COL24A1: variants seen among roughly 807,000 people sequenced by gnomAD.
The protein encoded by COL24A1 is collagen type XXIV alpha 1 chain, also known as collagen alpha-1(XXIV) chain.
COL24A1 carries 224 observed loss-of-function variants against 253.9 expected under a neutral mutation model. The ratio of observed to expected loss-of-function variants is 0.88; its 90% CI spans 0.79 to 0.99. The LOEUF (loss-of-function observed/expected upper bound fraction) is 0.99, where lower values mean the gene tolerates loss of function less well. Ranked by LOEUF, COL24A1 falls within the 50% of genes least tolerant of loss-of-function variation. COL24A1 has a pLI of 0.00. For synonymous variants in COL24A1, 685 were observed against 673.7 expected (o/e 1.02, Z -0.26); for missense variants, 2,131 against 2,068.5 (o/e 1.03, Z -0.59).
At chr1:86,050,756 C>T (rs1163643035) in intron 10 of COL24A1, among the ~76,000 whole-genome samples, 1 of 152,086 alleles carries the variant, frequency 6.6e-6, no homozygotes, top group Non-Finnish European at 1.5e-5. Flanking sequence ...TATATGTTAG[C>T]TTTATGTGTA....
intron 5 of COL24A1, among the ~76,000 whole-genome samples, chr1:86,111,715 C>CT (rs1705630294): frequency 6.6e-6 from 1 of 152,184 alleles, no homozygotes; most frequent in Non-Finnish European, 1.5e-5. Flanking sequence ...TCTGCACTGC[C>CT]TTTATGAGCT....
At chr1:86,154,632 C>T (rs980373854) in intron 1 of COL24A1, 3 of 152,722 alleles carry the variant, frequency 2.0e-5, no homozygotes, top group South Asian at 2.1e-4. Flanking sequence ...AGGGCCTTTT[C>T]TGGGAGCGTC....
chr1:85,761,305 C>A (rs889907666), intron 55 of COL24A1, 91 bp downstream of exon 55: 6 of 1,431,042 alleles, frequency 4.2e-6, no homozygotes, highest in East Asian at 2.4e-5. Context: ...AAAAGGGATA[C>A]CTTTTAATAG....
At chr1:86,014,102 T>C (rs777556649) in intron 19 of COL24A1, among the ~76,000 whole-genome samples, 2 of 152,198 alleles carry the variant, frequency 1.3e-5, no homozygotes, top group Admixed American at 1.3e-4. Context: ...TCATTTATTT[T>C]TTACCTTCCT....
intron 55 of COL24A1, among the ~76,000 whole-genome samples, chr1:85,754,968 C>T (rs1666068059): frequency 6.6e-6 from 1 of 152,144 alleles, no homozygotes; most frequent in Non-Finnish European, 1.5e-5. Context: ...TTAACCTACA[C>T]ATCCGAGAAG....
intron 42 of COL24A1, among the ~76,000 whole-genome samples, chr1:85,839,611 C>T (rs1484301114): frequency 6.6e-6 from 1 of 151,704 alleles, no homozygotes; most frequent in Admixed American, 6.6e-5. Context: ...GTGGCACGAG[C>T]CTGCAGTCCC....
chr1:85,883,523 G>T (rs185332545), intron 32 of COL24A1, among the ~76,000 whole-genome samples: 3 of 151,984 alleles, frequency 2.0e-5, no homozygotes, highest in Admixed American at 1.3e-4. Flanking sequence ...GCCCAGTCTG[G>T]CCTCTCATTT....
intron 9 of COL24A1, among the ~76,000 whole-genome samples, chr1:86,058,710 GTGTT>G (rs1394959892): frequency 3.3e-5 from 5 of 151,512 alleles, no homozygotes; most frequent in Admixed American, 6.6e-5. Flanking sequence ...TCAGATAAAA[GTGTT>G]TGGTAGTGGT....
chr1:85,932,559 C>T (rs2103099093), intron 24 of COL24A1, among the ~76,000 whole-genome samples: 1 of 101,762 alleles, frequency 9.8e-6, no homozygotes, highest in South Asian at 4.1e-4. Flanking sequence ...ACTAGAAATA[C>T]CATTTGACCC....
chr1:85,796,057 TA>T (rs1406479350), intron 47 of COL24A1, among the ~76,000 whole-genome samples: 1 of 152,178 alleles, frequency 6.6e-6, no homozygotes, highest in Non-Finnish European at 1.5e-5. Flanking sequence ...GTGCCAATCA[TA>T]AGTAATGTAG....
intron 7 of COL24A1, among the ~76,000 whole-genome samples, chr1:86,087,628 A>G (rs2101946622): frequency 6.6e-6 from 1 of 152,342 alleles, no homozygotes; most frequent in African/African-American, 2.4e-5. Flanking sequence ...GTGTCACTGC[A>G]TAGGATGCAA....
intron 12 of COL24A1, among the ~76,000 whole-genome samples, chr1:86,038,990 T>C (rs971618569): frequency 4.1e-4 from 63 of 152,310 alleles, no homozygotes; most frequent in African/African-American, 1.5e-3. Context: ...ATATTTATTG[T>C]TGTTTTAAAC....
intron 53 of COL24A1, among the ~76,000 whole-genome samples, chr1:85,769,915 AT>A (rs1473085975): frequency 1.1e-4 from 16 of 151,710 alleles, no homozygotes; most frequent in African/African-American, 3.9e-4. Context: ...TTTTTTTTTC[AT>A]GTGAAATGCT....
In COL24A1 at chr1:85,730,509, T is replaced by G. The variant is rs1439527368; in HGVS notation, c.*37A>C. On this transcript the variant is annotated 3_prime_UTR_variant, in exon 60 of 60. Transcript: ENST00000370571. ...TATTTCTCCCTCTGCAGCAATTACC[T>G]GGCCAACAGCCTGAATTCGGAACTA... 1.2e-6 allele frequency: 2 copies of G among 1,607,042 alleles called. No individual in the cohort carries two copies. The highest frequency in any genetic ancestry group is 1.7e-5 in the Admixed American group (1 of 59,714).
chr1:86,093,087 C>T (rs979642812), intron 5 of COL24A1, among the ~76,000 whole-genome samples: 1 of 151,988 alleles, frequency 6.6e-6, no homozygotes, highest in East Asian at 1.9e-4. Context: ...AATAATTCTC[C>T]TTCCTAGATA....
intron 43 of COL24A1, among the ~76,000 whole-genome samples, chr1:85,833,285 C>A (rs1009765022): frequency 6.6e-6 from 1 of 152,044 alleles, no homozygotes; most frequent in Non-Finnish European, 1.5e-5. Context: ...AAAAAACAAC[C>A]CCATCAACAA....
chr1:86,144,706 G>A (rs1318592160), intron 2 of COL24A1, among the ~76,000 whole-genome samples: 1 of 150,142 alleles, frequency 6.7e-6, no homozygotes, highest in African/African-American at 2.4e-5. Flanking sequence ...CAAAATATGA[G>A]CTCAAATCTT....
At chr1:86,131,009 C>G (rs750292369) in intron 2 of COL24A1, among the ~76,000 whole-genome samples, 71 of 151,860 alleles carry the variant, frequency 4.7e-4, no homozygotes, top group Non-Finnish European at 8.5e-4. Context: ...TTTTTTGTAG[C>G]CTTGTACCTT....
At chr1:85,905,940 A>G (rs1277141159) in intron 28 of COL24A1, among the ~76,000 whole-genome samples, 3 of 152,094 alleles carry the variant, frequency 2.0e-5, no homozygotes, top group Non-Finnish European at 4.4e-5. Flanking sequence ...ACAAAGTTGA[A>G]TAAACACATT....
Sources: allele counts gnomAD v4.1 joint callset (sites outside exome capture counted in the v4.1 genomes callset), GRCh38; gene constraint gnomAD v4.1.1; transcripts MANE v1.5; gene names NCBI Gene and HGNC (gene_info 2026-07-23, HGNC 2026-07-21).